Variants in WDFY2 observed in about 807,000 individuals in gnomAD.
WDFY2 encodes WD repeat and FYVE domain containing 2.
Under a neutral mutation model 56.4 loss-of-function variants are expected in WDFY2, and 36 were observed. The ratio of observed to expected loss-of-function variants is 0.64; its 90% CI spans 0.49 to 0.84. The LOEUF is 0.84. Ranked by LOEUF, WDFY2 falls within the 40% of genes least tolerant of loss-of-function variation. The pLI is 0.00. For missense variants in WDFY2, 444 were observed against 512.2 expected (o/e 0.87, Z 1.29); for synonymous variants, 176 against 183.7 (o/e 0.96, Z 0.34).
chr13:51,729,783 C>T (rs1297324836), intron 6 of WDFY2, among the ~76,000 whole-genome samples: 1 of 152,214 alleles, frequency 6.6e-6, no homozygotes, highest in Non-Finnish European at 1.5e-5. Context: ...CCTTCTTATT[C>T]TCTTAATAGC....
At chr13:51,759,008 C>T (rs1206226809) in intron 11 of WDFY2, among the ~76,000 whole-genome samples, 3 of 152,012 alleles carry the variant, frequency 2.0e-5, no homozygotes, top group Admixed American at 6.6e-5. Flanking sequence ...ATAGTGTGAC[C>T]CTGTCTTAAC....
chr13:51,597,266 T>C (rs1954169087), intron 1 of WDFY2, among the ~76,000 whole-genome samples: 1 of 152,208 alleles, frequency 6.6e-6, no homozygotes, highest in Non-Finnish European at 1.5e-5. Flanking sequence ...TGTGTTGAGA[T>C]TTCCAGTGCT....
In WDFY2 at chr13:51,765,637, C is replaced by T. The variant is rs1403101752; in HGVS notation, c.*5868C>T. ...ACCTGCCCGCATATTGCTGGCTTCC[C>T]TTGGATAACGGAGAGCCTATCACCA... On this transcript the variant is annotated 3_prime_UTR_variant, in exon 12 of 12. Coordinates refer to ENST00000298125, the MANE Select transcript of WDFY2 (RefSeq NM_052950.4). The T allele has an allele frequency of 6.6e-6, 1 of 152,200 alleles. No homozygotes were observed. Among genetic ancestry groups the T allele is most frequent in the Non-Finnish European group, 1.5e-5 (1 of 68,046 alleles). 9.4% of individuals were successfully genotyped at this position (152,200 alleles called of 1,614,324 possible).
intron 4 of WDFY2, 63 bp from the exon 5 acceptor site, chr13:51,719,135 G>T (rs1952431079): frequency 1.2e-6 from 2 of 1,606,914 alleles, no homozygotes; most frequent in Non-Finnish European, 8.5e-7. Flanking sequence ...ATCTCTGTGG[G>T]CCATGTTCTT....
chr13:51,658,280 G>T (rs554296840), intron 1 of WDFY2, among the ~76,000 whole-genome samples: 110 of 152,248 alleles, frequency 7.2e-4, no homozygotes, highest in African/African-American at 1.9e-3. Flanking sequence ...AAATGCCTGC[G>T]TCCGATAAGG....
At chr13:51,678,072 A>G (rs1285926640) in intron 3 of WDFY2, among the ~76,000 whole-genome samples, 1 of 152,162 alleles carries the variant, frequency 6.6e-6, no homozygotes, top group East Asian at 1.9e-4. Flanking sequence ...CAAAGTTTTA[A>G]TTATCTTCCC....
chr13:51,625,530 T>C (rs1301180109), intron 1 of WDFY2, among the ~76,000 whole-genome samples: 1 of 152,258 alleles, frequency 6.6e-6, no homozygotes, highest in East Asian at 1.9e-4. Context: ...ATTGATATTT[T>C]GCTTTGTTTC....
chr13:51,658,937 CT>C (rs922548000), intron 1 of WDFY2, among the ~76,000 whole-genome samples: 1 of 151,582 alleles, frequency 6.6e-6, no homozygotes, highest in African/African-American at 2.4e-5. Flanking sequence ...AATTAATTTA[CT>C]GTTTTTGAGA....
intron 1 of WDFY2, among the ~76,000 whole-genome samples, chr13:51,612,120 G>A (rs1008400698): frequency 2.0e-5 from 3 of 152,066 alleles, no homozygotes; most frequent in African/African-American, 7.2e-5. Flanking sequence ...TTACAGGCAA[G>A]GAAACTGAGA....
At chr13:51,724,696 A>G (rs1366405941) in intron 5 of WDFY2, among the ~76,000 whole-genome samples, 2 of 152,198 alleles carry the variant, frequency 1.3e-5, no homozygotes, top group Non-Finnish European at 2.9e-5. Flanking sequence ...GTTAACAATC[A>G]GTGAACCTAC....
chr13:51,692,828 T>C (rs1457850856), intron 3 of WDFY2, among the ~76,000 whole-genome samples: 3 of 152,084 alleles, frequency 2.0e-5, no homozygotes, highest in Non-Finnish European at 4.4e-5. Context: ...TGGTCCTGGA[T>C]TCTTTTTGGT....
chr13:51,709,239 T>C (rs1485776358), intron 4 of WDFY2, among the ~76,000 whole-genome samples: 1 of 152,202 alleles, frequency 6.6e-6, no homozygotes, highest in Non-Finnish European at 1.5e-5. Flanking sequence ...CGTGGAGAAA[T>C]ATTTATCAAG....
chr13:51,611,062 C>T (rs570690963), intron 1 of WDFY2, among the ~76,000 whole-genome samples: 2 of 152,224 alleles, frequency 1.3e-5, no homozygotes, highest in African/African-American at 4.8e-5. Context: ...AATTGGAGTC[C>T]AGCTTATGCT....
intron 10 of WDFY2, among the ~76,000 whole-genome samples, chr13:51,756,849 G>T (rs569442096): frequency 6.6e-6 from 1 of 152,186 alleles, no homozygotes; most frequent in Non-Finnish European, 1.5e-5. Flanking sequence ...GGTCCAGAAG[G>T]TTTCATTTTC....
chr13:51,745,126 C>T (rs148179531), intron 7 of WDFY2, among the ~76,000 whole-genome samples: 2 of 152,078 alleles, frequency 1.3e-5, no homozygotes, highest in African/African-American at 2.4e-5. Flanking sequence ...CAAGATGGCT[C>T]AACAAATGAA....
intron 3 of WDFY2, among the ~76,000 whole-genome samples, chr13:51,693,531 C>CA (rs1422847829): frequency 6.6e-6 from 1 of 152,138 alleles, no homozygotes; most frequent in Non-Finnish European, 1.5e-5. Flanking sequence ...AGTTTGATTG[C>CA]ACTGTGGTCT....
intron 10 of WDFY2, 164 bp downstream of exon 10, chr13:51,756,626 T>C: frequency 1.0e-6 from 1 of 985,310 alleles, no homozygotes; most frequent in East Asian, 1.1e-4. Context: ...AAGAGATTTG[T>C]GGTATCCTGT....
intron 6 of WDFY2, among the ~76,000 whole-genome samples, chr13:51,733,325 C>T (rs1264980906): frequency 6.6e-6 from 1 of 152,240 alleles, no homozygotes; most frequent in Non-Finnish European, 1.5e-5. Context: ...GCGTGAGCCA[C>T]TGTGCCCAGC....
rs1953632454 is a variant in WDFY2 at position 51,762,904 on chromosome 13, T to G, written c.*3135T>G. On this transcript the variant is annotated 3_prime_UTR_variant, in exon 12 of 12. Transcript: ENST00000298125. The stretch of plus-strand genomic sequence containing the variant: ...CTTGGTTCCTCCAAACGAATGACAT[T>G]ACTTGACATTACTGCCTGAGTGTAT... 1.3e-5 allele frequency: 2 copies of G among 152,220 alleles called. No homozygotes were observed. Among genetic ancestry groups the G allele is most frequent in the Non-Finnish European group, 2.9e-5 (2 of 68,026 alleles). 9.4% of individuals were successfully genotyped at this position (152,220 alleles called of 1,614,324 possible).
Sources: gnomAD v4.1 joint callset for allele counts (sites outside exome capture counted in the v4.1 genomes callset) on GRCh38, gnomAD v4.1.1 for gene constraint, MANE v1.5 for transcripts, NCBI Gene and HGNC (gene_info 2026-07-23, HGNC 2026-07-21) for gene names.